PRDM6: variants seen among roughly 807,000 people sequenced by gnomAD.
PRDM6 encodes PR/SET domain 6, also known as putative histone-lysine N-methyltransferase PRDM6.
PRDM6 carries 25 observed loss-of-function variants against 60.8 expected under a neutral mutation model. The observed-to-expected ratio is 0.41, with a 90% CI of 0.30 to 0.57. The LOEUF is 0.57. Ranked by LOEUF, PRDM6 falls within the 20% of genes least tolerant of loss-of-function variation. PRDM6 has a pLI of 0.27. For synonymous variants in PRDM6, 407 were observed against 357.4 expected, an observed-to-expected ratio of 1.14 and a Z score of -1.57; for missense variants, 839 against 821.3, an observed-to-expected ratio of 1.02 and a Z score of -0.26.
At chr5:123,119,302 CAA>C (rs1378847811) in intron 3 of PRDM6, among the ~76,000 whole-genome samples, 1 of 152,034 alleles carries the variant, frequency 6.6e-6, no homozygotes, top group Non-Finnish European at 1.5e-5. Context: ...AAAAATGAAA[CAA>C]GAACAAAATG....
At chr5:123,166,810 C>G (rs1347747925) in intron 5 of PRDM6, among the ~76,000 whole-genome samples, 1 of 152,180 alleles carries the variant, frequency 6.6e-6, no homozygotes, top group Non-Finnish European at 1.5e-5. Flanking sequence ...AAATTTCATG[C>G]GTTCATGTTC....
In PRDM6 at chr5:123,193,694, C is replaced by T. The variant is rs1340625639; in HGVS notation, c.*6493C>T. 2 of 152,076 alleles carry T rather than the reference C, an allele frequency of 1.3e-5. No individual in the cohort carries two copies. Among genetic ancestry groups the T allele is most frequent in the Non-Finnish European group, 2.9e-5 (2 of 68,030 alleles). 9.4% of individuals were successfully genotyped at this position (152,076 alleles called of 1,614,324 possible). A position where few individuals can be genotyped will look rare whatever the true frequency, so the allele number is the denominator to read the frequency against. On this transcript the variant is annotated 3_prime_UTR_variant, in exon 8 of 8. Transcript: ENST00000407847. ...AAATTATTTTGGAAACTTAATGTCC[C>T]AAGTTAATTATTTTTTTTATATCAA...
intron 4 of PRDM6, among the ~76,000 whole-genome samples, chr5:123,157,461 C>T (rs1580525670): frequency 6.6e-6 from 1 of 152,194 alleles, no homozygotes; most frequent in African/African-American, 2.4e-5. Flanking sequence ...CAAGAACCCC[C>T]TAAGAGGAAG....
intron 2 of PRDM6, among the ~76,000 whole-genome samples, chr5:123,096,453 T>C (rs1461814387): frequency 3.3e-5 from 5 of 152,250 alleles, no homozygotes; most frequent in Non-Finnish European, 5.9e-5. Context: ...ATCCTCAAGC[T>C]ACCCTGAGAC....
chr5:123,111,556 G>A (rs895233615), intron 3 of PRDM6, among the ~76,000 whole-genome samples: 18 of 152,138 alleles, frequency 1.2e-4, no homozygotes, highest in Admixed American at 3.3e-4. Context: ...AAATTGTCCG[G>A]GTGTGGTGAC....
intron 2 of PRDM6, among the ~76,000 whole-genome samples, chr5:123,093,325 G>T (rs1434243488): frequency 6.6e-6 from 1 of 152,126 alleles, no homozygotes; most frequent in African/African-American, 2.4e-5. Flanking sequence ...TTTTGCCTAG[G>T]ATCAGCAATA....
intron 3 of PRDM6, among the ~76,000 whole-genome samples, chr5:123,125,160 C>G (rs1764667360): frequency 7.9e-5 from 5 of 63,398 alleles, no homozygotes; most frequent in Admixed American, 7.2e-4. Context: ...CTCCCCCCCA[C>G]CCGCCGGCCC....
intron 3 of PRDM6, among the ~76,000 whole-genome samples, chr5:123,149,965 A>T (rs335154): frequency 1.3e-5 from 2 of 151,948 alleles, no homozygotes; most frequent in African/African-American, 4.8e-5. Flanking sequence ...CCTTAGAAAT[A>T]GTTTATTTGC....
At chr5:123,136,033 C>T (rs1048632660) in intron 3 of PRDM6, among the ~76,000 whole-genome samples, 5 of 152,146 alleles carry the variant, frequency 3.3e-5, no homozygotes, top group East Asian at 1.9e-4. Context: ...TAAGATCTTA[C>T]GGTAGAAATG....
chr5:123,094,828 A>C (rs1439025761), intron 2 of PRDM6, among the ~76,000 whole-genome samples: 1 of 151,816 alleles, frequency 6.6e-6, no homozygotes. Flanking sequence ...ATATTCTCTC[A>C]CCCTCACAAA....
chr5:123,170,386 C>T (rs1765858084), intron 5 of PRDM6, among the ~76,000 whole-genome samples: 1 of 152,234 alleles, frequency 6.6e-6, no homozygotes, highest in African/African-American at 2.4e-5. Context: ...CTGCTCAGGG[C>T]TACCCTCTCT....
intron 2 of PRDM6, among the ~76,000 whole-genome samples, chr5:123,094,117 G>A (rs544783842): frequency 2.0e-5 from 3 of 152,242 alleles, no homozygotes; most frequent in African/African-American, 7.2e-5. Context: ...AGGGAGAGGG[G>A]CTGGGGAGAG....
intron 3 of PRDM6, among the ~76,000 whole-genome samples, chr5:123,115,899 C>G (rs183446510): frequency 6.6e-6 from 1 of 152,132 alleles, no homozygotes; most frequent in East Asian, 1.9e-4. Context: ...ATTTGTTATC[C>G]TGAGCATATT....
At chr5:123,161,413 A>G (rs1432119140) in intron 5 of PRDM6, among the ~76,000 whole-genome samples, 3 of 152,164 alleles carry the variant, frequency 2.0e-5, no homozygotes, top group Admixed American at 2.0e-4. Context: ...TCAGATGGTG[A>G]TAAGTGTTGT....
chr5:123,104,048 C>G (rs770104665), intron 3 of PRDM6, among the ~76,000 whole-genome samples: 7 of 151,936 alleles, frequency 4.6e-5, no homozygotes, highest in Non-Finnish European at 1.0e-4. Context: ...CATTATTTTT[C>G]TTCAGAAAAT....
chr5:123,157,192 C>T (rs1486948498), intron 4 of PRDM6, among the ~76,000 whole-genome samples: 3 of 151,742 alleles, frequency 2.0e-5, no homozygotes, highest in Non-Finnish European at 4.4e-5. Context: ...CAGTATGTGA[C>T]TCACCGCCTT....
intron 3 of PRDM6, among the ~76,000 whole-genome samples, chr5:123,132,841 G>T (rs1400441077): frequency 1.3e-5 from 2 of 151,850 alleles, no homozygotes; most frequent in African/African-American, 4.8e-5. Flanking sequence ...AGATATATTA[G>T]CTTTTTGATG....
At chr5:123,170,700 A>T in intron 5 of PRDM6, 66 bp from the exon 6 acceptor site, 2 of 1,080,574 alleles carry the variant, frequency 1.9e-6, no homozygotes, top group Non-Finnish European at 2.6e-6. Flanking sequence ...TTTTAAAAGT[A>T]TGTGTTATTG....
chr5:123,168,497 C>A lies in PRDM6; in HGVS notation c.1154-2269C>A, dbSNP rs189552189. On this transcript the variant is annotated intron_variant, in intron 5 of 7. Transcript: ENST00000407847. ...GGTAAGTTACTGGACCTTCTTGGGA[C>A]TCGGCTTTTGTCATTTGTAACAGGA... is the stretch of plus-strand genomic sequence containing the variant. 2.6e-5 allele frequency among the ~76,000 whole-genome samples: 4 copies of A among 152,264 alleles called. No individual in the cohort carries two copies. The East Asian group carries it at 7.7e-4, about 29-fold the overall frequency.
Sources: gnomAD v4.1 joint callset for allele counts (sites outside exome capture counted in the v4.1 genomes callset) on GRCh38, gnomAD v4.1.1 for gene constraint, MANE v1.5 for transcripts, NCBI Gene and HGNC (gene_info 2026-07-23, HGNC 2026-07-21) for gene names.